The following GRIK1 variants were observed in gnomAD, a reference collection of about 807,000 sequenced individuals.
The protein encoded by GRIK1 is glutamate receptor ionotropic, kainate 1.
Under a neutral mutation model 105.7 loss-of-function variants are expected in GRIK1, and 69 were observed. That is an observed-to-expected ratio of 0.65 (90% CI 0.54 to 0.80). The LOEUF (loss-of-function observed/expected upper bound fraction) is 0.80. GRIK1 is among the 30% of genes least tolerant of loss of function. The pLI is 0.00. For synonymous variants in GRIK1, 438 were observed against 431.3 expected (o/e 1.02, Z -0.19); for missense variants, 1,109 against 1,167.3 (o/e 0.95, Z 0.73).
At position 29,606,444 on chromosome 21, in the gene GRIK1, C is replaced by T. The variant is rs117502106; in HGVS notation, c.1099-7507G>A. ...CCTGATGCTTTGACTTCCCTGGTGG[C>T]CTCTAGAACCACCGTGCCTCTCCGT... On this transcript the variant is annotated intron_variant, in intron 7 of 17. Coordinates refer to ENST00000327783, the MANE Select transcript of GRIK1 (RefSeq NM_001330994.2). Among the ~76,000 whole-genome samples, 70 of 152,156 alleles carry T rather than the reference C, an allele frequency of 4.6e-4. No homozygotes were observed. The East Asian group carries it at 0.011, about 24-fold the overall frequency.
chr21:29,654,315 T>C (rs1044504868), intron 5 of GRIK1, among the ~76,000 whole-genome samples: 1 of 152,214 alleles, frequency 6.6e-6, no homozygotes, highest in Non-Finnish European at 1.5e-5. Flanking sequence ...TTTTTCTTAA[T>C]GAGGCAAAAT....
At chr21:29,799,252 G>T (rs1020440979) in intron 1 of GRIK1, among the ~76,000 whole-genome samples, 6 of 152,196 alleles carry the variant, frequency 3.9e-5, no homozygotes, top group Non-Finnish European at 7.4e-5. Context: ...AACTGGAAAA[G>T]AATTGCAACC....
At chr21:29,919,432 T>C (rs1454301541) in intron 1 of GRIK1, among the ~76,000 whole-genome samples, 1 of 152,152 alleles carries the variant, frequency 6.6e-6, no homozygotes, top group African/African-American at 2.4e-5. Context: ...TTCCAGGCTC[T>C]CTGCAAGAAG....
chr21:29,799,316 C>A (rs909169229), intron 1 of GRIK1, among the ~76,000 whole-genome samples: 3 of 152,130 alleles, frequency 2.0e-5, no homozygotes, highest in Non-Finnish European at 2.9e-5. Flanking sequence ...AACCACATGG[C>A]GCTGTTATGC....
intron 7 of GRIK1, among the ~76,000 whole-genome samples, chr21:29,631,418 A>G (rs2062268993): frequency 6.6e-6 from 1 of 152,230 alleles, no homozygotes; most frequent in Non-Finnish European, 1.5e-5. Flanking sequence ...GTGAGAATAC[A>G]ATGGAAAGAT....
chr21:29,866,789 A>G (rs763795935), intron 1 of GRIK1, among the ~76,000 whole-genome samples: 3 of 152,262 alleles, frequency 2.0e-5, no homozygotes, highest in African/African-American at 4.8e-5. Context: ...AAGAAAACAA[A>G]TTTTGAGCTT....
chr21:29,733,479 A>G (rs2064692163), intron 1 of GRIK1, among the ~76,000 whole-genome samples: 1 of 152,110 alleles, frequency 6.6e-6, no homozygotes, highest in East Asian at 1.9e-4. Flanking sequence ...AGTTTTATAA[A>G]TAAAGTTGCA....
At chr21:29,643,552 G>A (rs2062557761) in intron 6 of GRIK1, among the ~76,000 whole-genome samples, 1 of 152,222 alleles carries the variant, frequency 6.6e-6, no homozygotes, top group Non-Finnish European at 1.5e-5. Context: ...GACAAGTGCA[G>A]CTTGCTCAGA....
At chr21:29,698,064 C>T (rs2063744653) in intron 1 of GRIK1, among the ~76,000 whole-genome samples, 1 of 151,126 alleles carries the variant, frequency 6.6e-6, no homozygotes, top group Non-Finnish European at 1.5e-5. Context: ...TCCCTTCCTC[C>T]ATTCCTCCCT....
chr21:29,659,565 G>A (rs1173751793), intron 4 of GRIK1, among the ~76,000 whole-genome samples: 1 of 152,132 alleles, frequency 6.6e-6, no homozygotes, highest in African/African-American at 2.4e-5. Context: ...TCATGCTACT[G>A]TACATGGAAA....
At chr21:29,591,072 G>A in intron 10 of GRIK1, 40 bp downstream of exon 10, 2 of 1,057,630 alleles carry the variant, frequency 1.9e-6, no homozygotes, top group South Asian at 2.5e-5. Flanking sequence ...TAAGGCAGGA[G>A]CCTGGATAAG....
At chr21:29,755,071 C>A (rs1392695464) in intron 1 of GRIK1, among the ~76,000 whole-genome samples, 1 of 152,104 alleles carries the variant, frequency 6.6e-6, no homozygotes, top group Non-Finnish European at 1.5e-5. Context: ...TCTGTATAAT[C>A]CAAATTTGAG....
At chr21:29,602,167 C>A (rs920216026) in intron 7 of GRIK1, among the ~76,000 whole-genome samples, 5 of 152,058 alleles carry the variant, frequency 3.3e-5, no homozygotes, top group African/African-American at 1.2e-4. Context: ...ATAAAACGAG[C>A]TTTAGCTCTG....
intron 1 of GRIK1, among the ~76,000 whole-genome samples, chr21:29,885,906 CCCATTAGAA>C (rs1489060166): frequency 6.6e-6 from 1 of 152,114 alleles, no homozygotes; most frequent in Non-Finnish European, 1.5e-5. Context: ...CTTTATCTTT[CCCATTAGAA>C]CCATTGTTAG....
intron 6 of GRIK1, 111 bp downstream of exon 6, chr21:29,651,007 G>A: frequency 1.3e-6 from 1 of 756,186 alleles, no homozygotes; most frequent in African/African-American, 1.8e-5. Context: ...TCTACTGCAA[G>A]TCAAGGCACC....
At chr21:29,725,039 C>A (rs1002474530) in intron 1 of GRIK1, among the ~76,000 whole-genome samples, 9 of 151,458 alleles carry the variant, frequency 5.9e-5, no homozygotes, top group Non-Finnish European at 1.2e-4. Flanking sequence ...AACTCTACTG[C>A]CACATGGGAT....
intron 3 of GRIK1, among the ~76,000 whole-genome samples, chr21:29,679,253 G>A (rs1170089472): frequency 2.6e-5 from 4 of 152,094 alleles, no homozygotes; most frequent in East Asian, 1.9e-4. Context: ...AGTAAAGCTC[G>A]GAGACTATAT....
chr21:29,830,340 C>A (rs868130264), intron 1 of GRIK1, among the ~76,000 whole-genome samples: 4 of 138,264 alleles, frequency 2.9e-5, no homozygotes, highest in East Asian at 2.5e-4. Flanking sequence ...CACACACACA[C>A]ACACACACAC....
intron 14 of GRIK1, among the ~76,000 whole-genome samples, chr21:29,566,831 A>G (rs1236013848): frequency 6.6e-6 from 1 of 152,230 alleles, no homozygotes; most frequent in Non-Finnish European, 1.5e-5. Context: ...GGAAACCAGG[A>G]TTTGATCCCA....
Sources: allele counts gnomAD v4.1 joint callset (sites outside exome capture counted in the v4.1 genomes callset), GRCh38; gene constraint gnomAD v4.1.1; transcripts MANE v1.5; gene names NCBI Gene and HGNC (gene_info 2026-07-23, HGNC 2026-07-21).